The following RCL1 variants were observed in gnomAD, a reference collection of about 807,000 sequenced individuals.
RCL1 encodes RNA terminal phosphate cyclase like 1, also known as RNA 3'-terminal phosphate cyclase-like protein.
RCL1 carries 24 observed loss-of-function variants against 42.4 expected under a neutral mutation model. That is an observed-to-expected ratio of 0.57 (90% CI 0.41 to 0.80). The LOEUF (loss-of-function observed/expected upper bound fraction) is 0.80. Among genes scored for constraint, RCL1 ranks in the 30% least tolerant of loss-of-function variants. The pLI, the probability that RCL1 is intolerant of heterozygous loss-of-function variation, is 0.00. For missense variants in RCL1, 578 were observed against 467.9 expected, an observed-to-expected ratio of 1.24 and a Z score of -2.17; for synonymous variants, 228 against 177.3, an observed-to-expected ratio of 1.29 and a Z score of -2.27.
At chr9:4,800,979 T>A (rs1842991125) in intron 1 of RCL1, among the ~76,000 whole-genome samples, 1 of 152,180 alleles carries the variant, frequency 6.6e-6, no homozygotes, top group Non-Finnish European at 1.5e-5. Flanking sequence ...TATTCCTATC[T>A]GTAGTGTATG....
At chr9:4,826,017 C>T (rs775885625) in intron 2 of RCL1, among the ~76,000 whole-genome samples, 4 of 151,226 alleles carry the variant, frequency 2.6e-5, no homozygotes, top group Admixed American at 6.6e-5. Flanking sequence ...ATCACTTGAG[C>T]CCAAGAGTTC....
intron 1 of RCL1, among the ~76,000 whole-genome samples, chr9:4,806,636 A>G (rs1292738522): frequency 6.6e-6 from 1 of 150,584 alleles, no homozygotes; most frequent in Non-Finnish European, 1.5e-5. Context: ...ACACACACAT[A>G]TACTTACATA....
In RCL1 at chr9:4,823,562, T is replaced by C. The variant is rs1367382188; in HGVS notation, c.151T>C (p.Phe51Leu). 1.9e-6 allele frequency: 3 copies of C among 1,610,836 alleles called. No individual in the cohort carries two copies. The highest frequency in any genetic ancestry group is 1.3e-5 in the African/African-American group (1 of 74,590). Residue 51 changes from phenylalanine (F) to leucine (L), a missense_variant, in exon 2 of 9, where the codon TTC (phenylalanine) becomes CTC (leucine). Phe to Leu is a conservative substitution (Grantham distance 22). Coordinates refer to ENST00000381750, the MANE Select transcript of RCL1 (RefSeq NM_005772.5). ...NPGLRDFEAS[F>L]IRLLDKITNG... ...TTTCTTCACAGATTTTGAAGCCAGCTTCATAAGGCTATTGGACAAAATAAC... is the reference window on the plus strand; with the variant it reads ...TTTCTTCACAGATTTTGAAGCCAGCCTCATAAGGCTATTGGACAAAATAAC...
intron 1 of RCL1, among the ~76,000 whole-genome samples, chr9:4,810,329 C>A (rs1377117829): frequency 3.3e-5 from 5 of 152,120 alleles, no homozygotes; most frequent in African/African-American, 1.2e-4. Flanking sequence ...ATGCTTGTGC[C>A]CAGCCACACC....
At chr9:4,814,028 G>A (rs1052752377) in intron 1 of RCL1, among the ~76,000 whole-genome samples, 2 of 152,038 alleles carry the variant, frequency 1.3e-5, no homozygotes, top group African/African-American at 4.8e-5. Flanking sequence ...TCACACACCG[G>A]GGCCTGTCAT....
Position 4,849,471 on chromosome 9 carries a change from C to G in RCL1, c.892C>G (p.Gln298Glu), listed in dbSNP as rs1239204392. 3 of 1,613,994 alleles carry G rather than the reference C, an allele frequency of 1.9e-6. No individual in the cohort carries two copies. Among genetic ancestry groups the G allele is most frequent in the East Asian group, 2.2e-5 (1 of 44,880 alleles). ...GGGTGGATGCGTAGACTCGACCAAC[C>G]AAAGCCTGGCGCTACTACTCATGAC... ...YRGGCVDSTNQSLALLLMTLG... is the reference protein window; with the variant it reads ...YRGGCVDSTNESLALLLMTLG... The change falls in exon 8 of 9, where the codon CAA becomes GAA. Residue 298 changes from glutamine to glutamate, a missense_variant. Physicochemically the swap from Gln to Glu is conservative, Grantham distance 29. Coordinates refer to ENST00000381750, the MANE Select transcript of RCL1 (RefSeq NM_005772.5).
In RCL1 at chr9:4,816,038, A is replaced by G. The variant is rs189503124; in HGVS notation, c.137-7510A>G. Among the ~76,000 whole-genome samples the G allele has an allele frequency of 7.9e-5, 12 of 151,968 alleles. No homozygotes were observed. In the East Asian group the frequency reaches 2.3e-3, roughly 29 times the overall value. On this transcript the variant is annotated intron_variant, in intron 1 of 8. Transcript: ENST00000381750. The stretch of plus-strand genomic sequence containing the variant: ...TGCACTCTGGCACCCTTCCTCAGTT[A>G]TTTGTGTTAAAGTCTAGTTGTTTAA...
chr9:4,802,132 C>G (rs946772216), intron 1 of RCL1, among the ~76,000 whole-genome samples: 9 of 144,238 alleles, frequency 6.2e-5, no homozygotes, highest in Non-Finnish European at 1.3e-4. Flanking sequence ...ACCATGTTGG[C>G]CAGGCTGGTC....
intron 1 of RCL1, among the ~76,000 whole-genome samples, chr9:4,814,855 C>A (rs1816315995): frequency 6.6e-6 from 1 of 151,676 alleles, no homozygotes; most frequent in South Asian, 2.1e-4. Context: ...GGAAAGACTT[C>A]ATTTCTGAAG....
intron 8 of RCL1, among the ~76,000 whole-genome samples, chr9:4,853,699 C>A (rs1274268711): frequency 6.6e-6 from 1 of 152,174 alleles, no homozygotes; most frequent in Non-Finnish European, 1.5e-5. Context: ...AGGCAGGATG[C>A]CATGCTACAT....
chr9:4,826,687 A>G (rs1269617444), intron 2 of RCL1, among the ~76,000 whole-genome samples, 171 bp from the exon 3 acceptor site: 1 of 152,190 alleles, frequency 6.6e-6, no homozygotes, highest in African/African-American at 2.4e-5. Flanking sequence ...CAGGGGCTTG[A>G]CAGTAGTGAG....
intron 7 of RCL1, among the ~76,000 whole-genome samples, chr9:4,848,261 T>C (rs1272434618): frequency 2.6e-5 from 4 of 152,230 alleles, no homozygotes; most frequent in Admixed American, 6.5e-5. Context: ...ATCTAAATGT[T>C]GTTTTCTGTC....
chr9:4,823,608 T>G lies in RCL1; in HGVS notation c.197T>G (p.Ile66Arg). 1 of 1,610,940 alleles carries G rather than the reference T, an allele frequency of 6.2e-7. No homozygotes were observed. The highest frequency in any genetic ancestry group is 8.5e-7 in the Non-Finnish European group (1 of 1,178,464). ...DKITNGSRIE[I>R]NQTGTTLYYQ... ...ATAACGAATGGTTCTCGAATTGAAA[T>G]AAACCAAACAGGTAAGCTCCTTTTA... The change falls in exon 2 of 9, where the codon ATA (isoleucine) becomes AGA (arginine). Residue 66 changes from isoleucine to arginine, a missense_variant. Transcript: ENST00000381750.
At chr9:4,804,370 C>T (rs1843059603) in intron 1 of RCL1, 1 of 152,428 alleles carries the variant, frequency 6.6e-6, no homozygotes, top group African/African-American at 2.4e-5. Flanking sequence ...TAGGGTGCCC[C>T]CACTGCTGAG....
chr9:4,838,597 C>G (rs1167591235), intron 5 of RCL1, among the ~76,000 whole-genome samples: 2 of 152,168 alleles, frequency 1.3e-5, no homozygotes, highest in African/African-American at 4.8e-5. Context: ...TACACACACA[C>G]ACCCCTCTTA....
intron 5 of RCL1, among the ~76,000 whole-genome samples, chr9:4,837,768 A>T (rs185616577): frequency 5.3e-5 from 8 of 152,236 alleles, no homozygotes; most frequent in Admixed American, 3.3e-4. Flanking sequence ...TTCTCCCTCT[A>T]ATGTTCTTGG....
chr9:4,844,489 T>C, intron 6 of RCL1, 36 bp from the exon 7 acceptor site: 1 of 1,557,428 alleles, frequency 6.4e-7, no homozygotes, highest in Non-Finnish European at 8.7e-7. Flanking sequence ...CTCACTTGGT[T>C]AAACCTACTC....
intron 1 of RCL1, among the ~76,000 whole-genome samples, chr9:4,801,340 A>G (rs1301061881): frequency 2.6e-5 from 4 of 151,964 alleles, no homozygotes; most frequent in African/African-American, 7.2e-5. Flanking sequence ...CCCGGCTAAT[A>G]TTTTAACTTT....
At chr9:4,851,898 T>TTTTTTTTTTG (rs71326144) in intron 8 of RCL1, among the ~76,000 whole-genome samples, 1 of 150,520 alleles carries the variant, frequency 6.6e-6, no homozygotes, top group Admixed American at 6.6e-5. Context: ...TTTTTTTTTT[T>TTTTTTTTTTG]GAGACAGAGT....
Sources: gnomAD v4.1 joint callset for allele counts (sites outside exome capture counted in the v4.1 genomes callset) on GRCh38, gnomAD v4.1.1 for gene constraint, MANE v1.5 for transcripts, NCBI Gene and HGNC (gene_info 2026-07-23, HGNC 2026-07-21) for gene names.